Variants in FGD2 observed in about 807,000 individuals in gnomAD.
FGD2 encodes FYVE, RhoGEF and PH domain-containing protein 2.
In FGD2, 52 loss-of-function variants were observed where a neutral mutation model predicts 75.9. The ratio of observed to expected loss-of-function variants is 0.69; its 90% confidence interval spans 0.55 to 0.86. The LOEUF is 0.86. FGD2 is among the 40% of genes least tolerant of loss of function. The probability of loss-of-function intolerance (pLI) is 0.00; values close to 1 mark genes in which losing one functional copy is unlikely to be tolerated. For synonymous variants in FGD2, 347 were observed against 348.6 expected (o/e 1.00, Z 0.05); for missense variants, 790 against 872.0 (o/e 0.91, Z 1.18).
At chr6:37,010,555 C>T (rs1307659387) in intron 2 of FGD2, among the ~76,000 whole-genome samples, 3 of 152,182 alleles carry the variant, frequency 2.0e-5, no homozygotes, top group Non-Finnish European at 4.4e-5. Context: ...GACAGCTCAG[C>T]TCGCAAGTCT....
intron 9 of FGD2, among the ~76,000 whole-genome samples, chr6:37,016,681 G>A (rs1265079119): frequency 6.6e-6 from 1 of 151,776 alleles, no homozygotes; most frequent in Non-Finnish European, 1.5e-5. Flanking sequence ...CTGTAGGCGC[G>A]AGCCCCCATG....
chr6:37,014,941 A>G lies in FGD2; in HGVS notation c.932A>G (p.Asp311Gly). Residue 311 changes from aspartate (D) to glycine (G), a missense_variant, in exon 8 of 16, where the codon GAC becomes GGC. Asp to Gly is a moderately conservative substitution (Grantham distance 94). Transcript: ENST00000274963. ...GTGTACCAGCGCCTGGGCCTCGAGG[A>G]CGACATAGTAGACCCCTCTAACACC... is the stretch of plus-strand genomic sequence containing the variant. Reference protein sequence around the residue: ...WEVYQRLGLEDDIVDPSNTLL... With the variant: ...WEVYQRLGLEGDIVDPSNTLL... The G allele has an allele frequency of 6.2e-7, 1 of 1,614,074 alleles. No homozygotes were observed. Among genetic ancestry groups the G allele is most frequent in the East Asian group, 2.2e-5 (1 of 44,868 alleles).
intron 12 of FGD2, chr6:37,021,842 CT>C (rs1765605290): frequency 1.9e-6 from 1 of 514,688 alleles, no homozygotes; most frequent in Non-Finnish European, 3.5e-6. Context: ...TGTTTCACGT[CT>C]CTGCAGCTCC....
intron 11 of FGD2, among the ~76,000 whole-genome samples, 172 bp downstream of exon 11, chr6:37,020,911 T>TGTGTGTGTGC (rs1471304388): frequency 6.9e-6 from 1 of 145,410 alleles, no homozygotes; most frequent in African/African-American, 2.6e-5. Flanking sequence ...TGTGTGTGTG[T>TGTGTGTGTGC]GCATGTGTGT....
chr6:37,005,659 T>C lies in FGD2; in HGVS notation c.-159T>C. 1.3e-6 allele frequency: 1 copy of C among 745,606 alleles called. No individual in the cohort carries two copies. Among genetic ancestry groups the C allele is most frequent in the Admixed American group, 2.4e-5 (1 of 42,276 alleles). 46.2% of individuals were successfully genotyped at this position (745,606 alleles called of 1,614,324 possible). A position where few individuals can be genotyped will look rare whatever the true frequency, so the allele number is the denominator to read the frequency against. On this transcript the variant is annotated 5_prime_UTR_variant, in exon 1 of 16. Transcript: ENST00000274963. ...GGGACCACTTCCTCTTTCTTCACTC[T>C]GAAGCCAAGAGCCGACCTTCTGAGC...
In FGD2 at chr6:37,028,392, G is replaced by A; in HGVS notation, c.*229G>A. 2 of 503,132 alleles carry A rather than the reference G, an allele frequency of 4.0e-6. No homozygotes were observed. The highest frequency in any genetic ancestry group is 7.0e-6 in the Non-Finnish European group (2 of 284,614). The allele number at this position is 503,132 out of a possible 1,614,324, so 31.2% of individuals were successfully genotyped here. A position where few individuals can be genotyped will look rare whatever the true frequency, so the allele number is the denominator to read the frequency against. On this transcript the variant is annotated 3_prime_UTR_variant, in exon 16 of 16. Coordinates refer to ENST00000274963, the MANE Select transcript of FGD2 (RefSeq NM_173558.4). Reference sequence around the variant, plus strand: ...TCTCAGTTTGCCTTGCGGGGAGGGGGCTCCTGGGCCATGGGACTTCCAGTG... The same window carrying A: ...TCTCAGTTTGCCTTGCGGGGAGGGGACTCCTGGGCCATGGGACTTCCAGTG...
intron 9 of FGD2, 72 bp from the exon 10 acceptor site, chr6:37,020,469 C>T (rs1418209773): frequency 5.7e-6 from 8 of 1,406,882 alleles, no homozygotes; most frequent in Non-Finnish European, 7.9e-6. Context: ...CCACCTCCCT[C>T]CCCTCCACAG....
Position 37,014,034 on chromosome 6 carries a change from G to A in FGD2, c.757G>A (p.Glu253Lys), listed in dbSNP as rs201200599. Residue 253 changes from glutamate to lysine, a missense_variant, in exon 6 of 16, where the codon GAG (glutamate) becomes AAG (lysine). Coordinates refer to ENST00000274963, the MANE Select transcript of FGD2 (RefSeq NM_173558.4). ...ACCAGTGCAGAGAATTCCACGTTAC[G>A]AGCTGCTGCTCAAGGAGTACATCCA... ...LEPVQRIPRY[E>K]LLLKEYIQKL... is the part of the protein sequence containing the mutation. 1.2e-5 allele frequency: 20 copies of A among 1,613,982 alleles called. No homozygotes were observed. Among genetic ancestry groups the A allele is most frequent in the South Asian group, 4.4e-5 (4 of 91,088 alleles).
chr6:37,008,782 G>A, intron 1 of FGD2, 52 bp from the exon 2 acceptor site: 4 of 1,489,048 alleles, frequency 2.7e-6, no homozygotes, highest in Non-Finnish European at 3.6e-6. Context: ...ACTTGCTGCT[G>A]TTTTCCCTGT....
rs748486494 is a variant in FGD2, at chr6:37,014,628, C to T, written c.824-18C>T. 24 of 1,613,284 alleles carry T rather than the reference C, an allele frequency of 1.5e-5. No individual in the cohort carries two copies. In the East Asian group the frequency reaches 2.7e-4, roughly 18 times the overall value. On this transcript the variant is annotated intron_variant, in intron 6 of 15. Coordinates refer to ENST00000274963, the MANE Select transcript of FGD2 (RefSeq NM_173558.4). ...CCCTAGATTCTCAGGGAATAAACTC[C>T]GGCCCTGCCCCTTTCAGAAGCCCTG...
rs1764796200 is a variant in FGD2 at position 37,007,245 on chromosome 6, C to T, written c.68+1360C>T. 2.0e-5 allele frequency among the ~76,000 whole-genome samples: 3 copies of T among 152,308 alleles called. 1 individual carries two copies. In the South Asian group the frequency reaches 6.2e-4, roughly 32 times the overall value. ...GCCCGGATGCTGTATTGAGGGCACTCATGGCAGGCAATGTTTCCTGTAGGC... is the reference window on the plus strand; with the variant it reads ...GCCCGGATGCTGTATTGAGGGCACTTATGGCAGGCAATGTTTCCTGTAGGC... On this transcript the variant is annotated intron_variant, in intron 1 of 15. Coordinates refer to ENST00000274963, the MANE Select transcript of FGD2 (RefSeq NM_173558.4).
At chr6:37,022,501 C>T in intron 13 of FGD2, 131 bp downstream of exon 13, 1 of 1,314,890 alleles carries the variant, frequency 7.6e-7, no homozygotes, top group Non-Finnish European at 9.9e-7. Context: ...CCCACCTCGG[C>T]CTCCATCTGT....
intron 7 of FGD2, 73 bp from the exon 8 acceptor site, chr6:37,014,819 C>T: frequency 6.2e-7 from 1 of 1,609,308 alleles, no homozygotes; most frequent in Non-Finnish European, 8.5e-7. Context: ...AGTCCCCGTC[C>T]CCACAAGGCA....
At chr6:37,026,864 C>G (rs919517643) in intron 14 of FGD2, among the ~76,000 whole-genome samples, 2 of 151,832 alleles carry the variant, frequency 1.3e-5, no homozygotes, top group African/African-American at 4.8e-5. Context: ...AAAAATCAGC[C>G]GGGCATGGTG....
rs1226157175 is a variant in FGD2 at position 37,011,025 on chromosome 6, T to TGGCGC, written c.355_359dup (p.Leu121ArgfsTer6). ...CTGCTGGAGACAGAGCAGGCCTATGTGGCGCGCCTCCACCTGCTAGACCAG... is the reference window on the plus strand; with the variant it reads ...CTGCTGGAGACAGAGCAGGCCTATGTGGCGCGGCGCGCCTCCACCTGCTAGACCAG... On this transcript the variant is annotated frameshift_variant, in exon 3 of 16. Transcript: ENST00000274963. LOFTEE classifies it high-confidence loss of function. The TGGCGC allele has an allele frequency of 1.2e-6, 2 of 1,614,104 alleles. No homozygotes were observed.
At chr6:37,023,822 TGA>T (rs1223304449) in intron 13 of FGD2, 3 of 152,216 alleles carry the variant, frequency 2.0e-5, no homozygotes, top group Admixed American at 2.0e-4. Context: ...TTCACACTTG[TGA>T]GTGAAAGTAG....
chr6:37,014,646 A>G lies in FGD2; in HGVS notation c.824A>G (p.Lys275Arg). Residue 275 changes from lysine to arginine, a missense_variant and splice_region_variant, in exon 7 of 16, where the codon AAA (lysine) becomes AGA (arginine). Coordinates refer to ENST00000274963, the MANE Select transcript of FGD2 (RefSeq NM_173558.4). Reference protein sequence around the residue: ...AQAPDQADAQKALDMIFSAAQ... With the variant: ...AQAPDQADAQRALDMIFSAAQ... The stretch of plus-strand genomic sequence containing the variant: ...TAAACTCCGGCCCTGCCCCTTTCAG[A>G]AGCCCTGGACATGATCTTCTCAGCT... The G allele has an allele frequency of 6.2e-7, 1 of 1,613,816 alleles. No individual in the cohort carries two copies. The highest frequency in any genetic ancestry group is 8.5e-7 in the Non-Finnish European group (1 of 1,179,972).
At position 37,014,420 on chromosome 6, in the gene FGD2, T is replaced by C. The variant is rs1014935122; in HGVS notation, c.824-226T>C. 1.1e-5 allele frequency: 7 copies of C among 626,722 alleles called. No homozygotes were observed. The Admixed American group carries it at 1.2e-4, about 11-fold the overall frequency. 38.8% of individuals were successfully genotyped at this position (626,722 alleles called of 1,614,324 possible). A position where few individuals can be genotyped will look rare whatever the true frequency, so the allele number is the denominator to read the frequency against. On this transcript the variant is annotated intron_variant, in intron 6 of 15. Coordinates refer to ENST00000274963, the MANE Select transcript of FGD2 (RefSeq NM_173558.4). Reference sequence around the variant, plus strand: ...GGCTTGTTTTGGGAAGCAGTGAGAGTCACCAAAGCCAAACACCTAATGGCT... The same window carrying C: ...GGCTTGTTTTGGGAAGCAGTGAGAGCCACCAAAGCCAAACACCTAATGGCT...
chr6:37,019,753 C>T (rs1487754269), intron 9 of FGD2, among the ~76,000 whole-genome samples: 2 of 152,166 alleles, frequency 1.3e-5, no homozygotes, highest in Non-Finnish European at 2.9e-5. Context: ...AGCTCTCTTG[C>T]CCTCTCTGAG....
Sources: allele counts gnomAD v4.1 joint callset (sites outside exome capture counted in the v4.1 genomes callset), GRCh38; gene constraint gnomAD v4.1.1; transcripts MANE v1.5; gene names NCBI Gene and HGNC (gene_info 2026-07-23, HGNC 2026-07-21).